TLE1: variants seen among roughly 807,000 people sequenced by gnomAD.
TLE1 encodes transducin-like enhancer protein 1.
Under a neutral mutation model 89.8 loss-of-function variants are expected in TLE1, and 21 were observed. That is an observed-to-expected ratio of 0.23 (90% CI 0.17 to 0.34). The LOEUF (loss-of-function observed/expected upper bound fraction) is 0.34. TLE1 is among the 10% of genes least tolerant of loss of function. The pLI is 1.00. For synonymous variants in TLE1, 447 were observed against 407.6 expected, an observed-to-expected ratio of 1.10 and a Z score of -1.16; for missense variants, 795 against 1,031.2, an observed-to-expected ratio of 0.77 and a Z score of 3.14.
At chr9:81,589,300 C>T (rs1829098484) in intron 16 of TLE1, among the ~76,000 whole-genome samples, 1 of 152,210 alleles carries the variant, frequency 6.6e-6, no homozygotes, top group African/African-American at 2.4e-5. Context: ...CAGCTGCTCC[C>T]CCATCCCTCT....
At chr9:81,594,294 T>C (rs1829927044) in intron 14 of TLE1, among the ~76,000 whole-genome samples, 1 of 151,950 alleles carries the variant, frequency 6.6e-6, no homozygotes, top group African/African-American at 2.4e-5. Flanking sequence ...TGCCCATCAA[T>C]GACAGAATGG....
intron 8 of TLE1, among the ~76,000 whole-genome samples, chr9:81,625,002 T>C (rs1825734875): frequency 6.6e-6 from 1 of 152,158 alleles, no homozygotes; most frequent in South Asian, 2.1e-4. Context: ...GGGAGAAGCA[T>C]ATCTGAGAAG....
intron 4 of TLE1, among the ~76,000 whole-genome samples, chr9:81,683,294 G>C (rs1833853174): frequency 6.7e-6 from 1 of 150,312 alleles, no homozygotes; most frequent in Non-Finnish European, 1.5e-5. Flanking sequence ...ATGATGCCTT[G>C]CTAGCATTTG....
rs199862703 is a variant in TLE1, at chr9:81,687,462, G to A, written c.25-28C>T. ...GGGGGCGACCAGCGAGGGGGACCGA[G>A]GGACGGGAATGCGGGCGGATGAATA... On this transcript the variant is annotated intron_variant, in intron 1 of 19. Transcript: ENST00000376499. 3.8e-5 allele frequency: 59 copies of A among 1,571,576 alleles called. No homozygotes were observed. The African/African-American group carries it at 7.4e-4, about 20-fold the overall frequency.
intron 4 of TLE1, among the ~76,000 whole-genome samples, chr9:81,657,256 C>G (rs1299140021): frequency 6.6e-6 from 1 of 152,130 alleles, no homozygotes; most frequent in Non-Finnish European, 1.5e-5. Flanking sequence ...GTCTTTCAAC[C>G]TTGCTTAATA....
intron 4 of TLE1, among the ~76,000 whole-genome samples, chr9:81,666,034 T>C (rs1588178655): frequency 6.6e-6 from 1 of 152,188 alleles, no homozygotes; most frequent in Non-Finnish European, 1.5e-5. Context: ...TTGGTAAAGA[T>C]GCATCTTTGA....
intron 14 of TLE1, among the ~76,000 whole-genome samples, chr9:81,602,622 G>C (rs971621790): frequency 6.6e-6 from 1 of 152,108 alleles, no homozygotes; most frequent in Admixed American, 6.5e-5. Flanking sequence ...TTCAGATTTT[G>C]AAGCATTTTG....
intron 9 of TLE1, 29 bp downstream of exon 9, chr9:81,620,412 A>G (rs1461629803): frequency 6.4e-7 from 1 of 1,554,316 alleles, no homozygotes; most frequent in South Asian, 1.1e-5. Context: ...AAGCAAACAA[A>G]TATTATTTCA....
intron 14 of TLE1, among the ~76,000 whole-genome samples, chr9:81,598,294 A>G (rs1343774922): frequency 1.3e-5 from 2 of 152,014 alleles, no homozygotes; most frequent in Admixed American, 1.3e-4. Context: ...CACATCTCCA[A>G]GTTGCGCACA....
At position 81,615,712 on chromosome 9, in the gene TLE1, C is replaced by CAAA. The variant is rs371090700; in HGVS notation, c.918+267_918+269dup. 1.6e-3 allele frequency among the ~76,000 whole-genome samples: 157 copies of CAAA among 97,902 alleles called. 1 individual carries two copies. The highest frequency in any genetic ancestry group is 2.6e-3 in the Non-Finnish European group (129 of 50,312). The allele number at this position is 97,902 out of a possible 152,430, so 64.2% of individuals were successfully genotyped here. On this transcript the variant is annotated intron_variant, in intron 11 of 19. Transcript: ENST00000376499. ...TGGATGATGGAGTGAGACTCCGTCT[C>CAAA]AAAAAAAAAAAAAAAAAGAAGAAGA...
chr9:81,588,634 G>A (rs1264850962), intron 16 of TLE1, among the ~76,000 whole-genome samples: 1 of 152,170 alleles, frequency 6.6e-6, no homozygotes, highest in Admixed American at 6.5e-5. Flanking sequence ...GAGCACAGAT[G>A]CTGTGCAAGG....
chr9:81,641,414 C>T (rs1287326522), intron 6 of TLE1, among the ~76,000 whole-genome samples: 1 of 152,046 alleles, frequency 6.6e-6, no homozygotes, highest in East Asian at 1.9e-4. Flanking sequence ...ATTCTCCAGC[C>T]ACTTGAAGAC....
intron 8 of TLE1, among the ~76,000 whole-genome samples, chr9:81,625,778 C>A (rs1303971514): frequency 2.0e-5 from 3 of 152,016 alleles, no homozygotes; most frequent in African/African-American, 7.3e-5. Context: ...GTAGCAAAGA[C>A]CCAGCCACTT....
At chr9:81,618,980 G>A (rs548741349) in intron 9 of TLE1, among the ~76,000 whole-genome samples, 1 of 139,646 alleles carries the variant, frequency 7.2e-6, no homozygotes, top group Non-Finnish European at 1.6e-5. Context: ...TATCCAACCA[G>A]ACAAACCTAG....
At chr9:81,668,494 T>G (rs1248030661) in intron 4 of TLE1, among the ~76,000 whole-genome samples, 2 of 152,036 alleles carry the variant, frequency 1.3e-5, no homozygotes, top group African/African-American at 4.8e-5. Context: ...GGAATAACAT[T>G]TTAAATACAA....
rs1231055486 is a variant in TLE1, at chr9:81,616,096, G to A, written c.804C>T (p.Pro268=). ...GATTTTTGTCGATTCCATTTTCCCG[G>A]GGCGAGTGGGCAGGGCTTGCTCGCG... ...SSPRASPAHS[P]RENGIDKNRL... The change falls in exon 11 of 20, where the codon CCC becomes CCT. Residue 268 remains proline (P), a synonymous_variant. Transcript: ENST00000376499. 4 of 1,613,944 alleles carry A rather than the reference G, an allele frequency of 2.5e-6. No individual in the cohort carries two copies. In the African/African-American group the frequency reaches 4.0e-5, roughly 16 times the overall value.
intron 4 of TLE1, among the ~76,000 whole-genome samples, chr9:81,671,538 G>A (rs555448306): frequency 2.1e-4 from 32 of 151,866 alleles, no homozygotes; most frequent in Admixed American, 1.3e-3. Flanking sequence ...CCAGCTACTC[G>A]AGAGGCCAAG....
chr9:81,626,569 C>T (rs1278542804), intron 8 of TLE1, among the ~76,000 whole-genome samples: 1 of 152,238 alleles, frequency 6.6e-6, no homozygotes, highest in Non-Finnish European at 1.5e-5. Context: ...TCTCAGAACC[C>T]TGCCTGTGCA....
chr9:81,688,651 C>T lies in TLE1; in HGVS notation c.-411G>A, dbSNP rs1834679668. On this transcript the variant is annotated 5_prime_UTR_variant, in exon 1 of 20. Transcript: ENST00000376499. ...GGCGCCAGTCCTGGGCAAACAAATC[C>T]AGACGGACTGCTTTTCTTTGCTCTT... The T allele has an allele frequency of 5.3e-6, 1 of 187,998 alleles. No homozygotes were observed. The highest frequency in any genetic ancestry group is 2.3e-5 in the African/African-American group (1 of 42,930). 11.6% of individuals were successfully genotyped at this position (187,998 alleles called of 1,614,324 possible).
Sources: gnomAD v4.1 joint callset for allele counts (sites outside exome capture counted in the v4.1 genomes callset) on GRCh38, gnomAD v4.1.1 for gene constraint, MANE v1.5 for transcripts, NCBI Gene and HGNC (gene_info 2026-07-23, HGNC 2026-07-21) for gene names.